Variants in NAP1L4 observed in about 807,000 individuals in gnomAD.
NAP1L4 encodes nucleosome assembly protein 1 like 4.
In NAP1L4, 15 loss-of-function variants were observed where a neutral mutation model predicts 58.2. The observed-to-expected ratio is 0.26, with a 90% CI of 0.17 to 0.40. The LOEUF (loss-of-function observed/expected upper bound fraction) is 0.40. Among genes scored for constraint, NAP1L4 ranks in the 10% least tolerant of loss-of-function variants. The probability of loss-of-function intolerance (pLI) is 1.00; values close to 1 mark genes in which losing one functional copy is unlikely to be tolerated. For missense variants in NAP1L4, 384 were observed against 451.1 expected (o/e 0.85, Z 1.35); for synonymous variants, 171 against 155.6 (o/e 1.10, Z -0.74).
chr11:2,984,376 C>T (rs536325957), intron 1 of NAP1L4, among the ~76,000 whole-genome samples: 120 of 152,076 alleles, frequency 7.9e-4, no homozygotes, highest in African/African-American at 2.8e-3. Flanking sequence ...AGTTCGAGAC[C>T]AGCCTGACCA....
chr11:2,969,984 T>C (rs563377695), intron 6 of NAP1L4, 50 bp from the exon 7 acceptor site: 53 of 1,564,802 alleles, frequency 3.4e-5, no homozygotes, highest in Non-Finnish European at 4.2e-5. Flanking sequence ...TTACAAACAA[T>C]GCAGCGGCTT....
At chr11:2,969,684 G>A (rs904584516) in intron 7 of NAP1L4, 119 bp downstream of exon 7, 12 of 1,107,874 alleles carry the variant, frequency 1.1e-5, no homozygotes, top group Non-Finnish European at 1.5e-5. Flanking sequence ...CAGAGAAAGT[G>A]CCCTTCCGCC....
chr11:2,954,372 C>G lies in NAP1L4; in HGVS notation c.1035+155G>C, dbSNP rs1846404085. 9.2e-7 allele frequency: 1 copy of G among 1,089,226 alleles called. No individual in the cohort carries two copies. Among genetic ancestry groups the G allele is most frequent in the Non-Finnish European group, 1.4e-6 (1 of 733,286 alleles). 67.5% of individuals were successfully genotyped at this position (1,089,226 alleles called of 1,614,324 possible). On this transcript the variant is annotated intron_variant, in intron 12 of 15. Coordinates refer to ENST00000380542, the MANE Select transcript of NAP1L4 (RefSeq NM_005969.4). The surrounding 1 kb of genome is among the most constrained non-coding windows in gnomAD (Gnocchi z 4.8). ...AGACTTCTCCTCTTCAAGCGTATTC[C>G]CCCCACAACAAGGACAGCAGCTTGG...
Position 2,969,876 on chromosome 11 carries a change from G to A in NAP1L4, c.461C>T (p.Pro154Leu). The stretch of plus-strand genomic sequence containing the variant: ...GAACTCTGGAATTCCTTTGGGATCT[G>A]GCTCTTCAGCCGTTGCCGCTGCTTT... ...TEKAAATAEE[P>L]DPKGIPEFWF... The change falls in exon 7 of 16, where the codon CCA (proline) becomes CTA (leucine). Residue 154 changes from proline to leucine, a missense_variant. By Grantham distance (98) the Pro-to-Leu change is moderately conservative (BLOSUM62 -3). Coordinates refer to ENST00000380542, the MANE Select transcript of NAP1L4 (RefSeq NM_005969.4). 1 of 1,613,790 alleles carries A rather than the reference G, an allele frequency of 6.2e-7. No homozygotes were observed. The highest frequency in any genetic ancestry group is 8.5e-7 in the Non-Finnish European group (1 of 1,179,818).
intron 2 of NAP1L4, 53 bp from the exon 3 acceptor site, chr11:2,978,395 A>G (rs1211896553): frequency 8.0e-6 from 12 of 1,503,332 alleles, no homozygotes; most frequent in Non-Finnish European, 1.1e-5. Flanking sequence ...TTCCAAAGAC[A>G]TAGCACAAAT....
In NAP1L4 at chr11:2,955,902, G is replaced by T. The variant is rs1017291837; in HGVS notation, c.893-136C>A. On this transcript the variant is annotated intron_variant, in intron 10 of 15. Coordinates refer to ENST00000380542, the MANE Select transcript of NAP1L4 (RefSeq NM_005969.4). The surrounding 1 kb of genome is among the most constrained non-coding windows in gnomAD (Gnocchi z 4.2). ...TCGAGGTTTAACAGAAATCCCCAAA[G>T]CCTTGCATCTCCTCACAGACATCTT... is the stretch of plus-strand genomic sequence containing the variant. The T allele has an allele frequency of 1.6e-5, 12 of 753,764 alleles. No individual in the cohort carries two copies. Among genetic ancestry groups the T allele is most frequent in the East Asian group, 2.7e-5 (1 of 37,374 alleles). 46.7% of individuals were successfully genotyped at this position (753,764 alleles called of 1,614,324 possible). A position where few individuals can be genotyped will look rare whatever the true frequency, so the allele number is the denominator to read the frequency against.
Position 2,951,429 on chromosome 11 carries a change from T to C in NAP1L4, c.1066-114A>G. 1 of 851,994 alleles carries C rather than the reference T, an allele frequency of 1.2e-6. No homozygotes were observed. Among genetic ancestry groups the C allele is most frequent in the Non-Finnish European group, 2.0e-6 (1 of 507,292 alleles). The allele number at this position is 851,994 out of a possible 1,614,324, so 52.8% of individuals were successfully genotyped here. A position where few individuals can be genotyped will look rare whatever the true frequency, so the allele number is the denominator to read the frequency against. ...GCCTTAGATGGAAATCAATTACTGC[T>C]ACCCACAAGTGACTCATCACTTCCT... On this transcript the variant is annotated intron_variant, in intron 13 of 15. Transcript: ENST00000380542. The surrounding 1 kb of genome is among the most constrained non-coding windows in gnomAD (Gnocchi z 4.0).
rs1350715677 is a variant in NAP1L4 at position 2,969,845 on chromosome 11, A to G, written c.492T>C (p.Phe164=). The change falls in exon 7 of 16, where the codon TTT becomes TTC. Residue 164 remains phenylalanine, a synonymous_variant. Transcript: ENST00000380542. The stretch of plus-strand genomic sequence containing the variant: ...GCATGTCCACATTTCTGAAGATGGT[A>G]AACCAGAACTCTGGAATTCCTTTGG... ...PDPKGIPEFW[F]TIFRNVDMLS... is the part of the protein sequence containing the mutation. 5.0e-6 allele frequency: 8 copies of G among 1,613,910 alleles called. No individual in the cohort carries two copies. The highest frequency in any genetic ancestry group is 5.9e-6 in the Non-Finnish European group (7 of 1,179,854).
intron 7 of NAP1L4, among the ~76,000 whole-genome samples, chr11:2,966,806 C>A (rs1250170537): frequency 6.6e-6 from 1 of 152,148 alleles, no homozygotes; most frequent in East Asian, 1.9e-4. Flanking sequence ...TCATCCCACT[C>A]AAAGACGCAG....
At position 2,951,644 on chromosome 11, in the gene NAP1L4, G is replaced by C; in HGVS notation, c.1065+136C>G. 1 of 843,208 alleles carries C rather than the reference G, an allele frequency of 1.2e-6. No homozygotes were observed. Among genetic ancestry groups the C allele is most frequent in the South Asian group, 1.5e-5 (1 of 66,482 alleles). 52.2% of individuals were successfully genotyped at this position (843,208 alleles called of 1,614,324 possible). ...TATGCATTTCTGCTTAGTGTTTTAAGAACATTCTTAGAATCAAAGACAGCG... is the reference window on the plus strand; with the variant it reads ...TATGCATTTCTGCTTAGTGTTTTAACAACATTCTTAGAATCAAAGACAGCG... On this transcript the variant is annotated intron_variant, in intron 13 of 15. Coordinates refer to ENST00000380542, the MANE Select transcript of NAP1L4 (RefSeq NM_005969.4). This position sits in a 1 kb window ranked among gnomAD's most constrained non-coding sequence, Gnocchi z 4.0.
chr11:2,959,628 G>GA lies in NAP1L4; in HGVS notation c.746+141dup. 2 of 987,694 alleles carry GA rather than the reference G, an allele frequency of 2.0e-6. No individual in the cohort carries two copies. Among genetic ancestry groups the GA allele is most frequent in the Non-Finnish European group, 2.9e-6 (2 of 688,386 alleles). 61.2% of individuals were successfully genotyped at this position (987,694 alleles called of 1,614,324 possible). A position where few individuals can be genotyped will look rare whatever the true frequency, so the allele number is the denominator to read the frequency against. On this transcript the variant is annotated intron_variant, in intron 9 of 15. Coordinates refer to ENST00000380542, the MANE Select transcript of NAP1L4 (RefSeq NM_005969.4). This position sits in a 1 kb window ranked among gnomAD's most constrained non-coding sequence, Gnocchi z 4.9. ...AGCATTCCCAAACTGAAAGACTATT[G>GA]AAATATACATCTACCAGGCTTTTAG... is the stretch of plus-strand genomic sequence containing the variant.
At chr11:2,968,225 C>A (rs374021118) in intron 7 of NAP1L4, among the ~76,000 whole-genome samples, 1 of 152,312 alleles carries the variant, frequency 6.6e-6, no homozygotes, top group East Asian at 1.9e-4. Context: ...TCAGGGTGCA[C>A]ATTAGAGTTC....
chr11:2,964,551 C>T, intron 8 of NAP1L4, 129 bp downstream of exon 8: 1 of 705,176 alleles, frequency 1.4e-6, no homozygotes, highest in Non-Finnish European at 2.4e-6. Flanking sequence ...AGCAGTCTCG[C>T]CCAGGGCTGC....
chr11:2,947,076 A>C (rs1474306032), intron 15 of NAP1L4, among the ~76,000 whole-genome samples: 2 of 152,162 alleles, frequency 1.3e-5, no homozygotes, highest in African/African-American at 4.8e-5. Context: ...TTACGCAAAT[A>C]CTATGTCATG....
At chr11:2,970,013 C>T (rs528539997) in intron 6 of NAP1L4, 79 bp from the exon 7 acceptor site, 119 of 1,432,240 alleles carry the variant, frequency 8.3e-5, no homozygotes, top group Admixed American at 6.5e-4. Context: ...ATATCGTTGC[C>T]GAATCCTCTA....
At chr11:2,961,796 T>C (rs906694041) in intron 8 of NAP1L4, among the ~76,000 whole-genome samples, 3 of 152,206 alleles carry the variant, frequency 2.0e-5, no homozygotes, top group Admixed American at 6.5e-5. Flanking sequence ...CCTCCTAAAG[T>C]GCTGGGATTA....
intron 8 of NAP1L4, among the ~76,000 whole-genome samples, chr11:2,961,596 C>T (rs1435546302): frequency 6.6e-6 from 1 of 151,972 alleles, no homozygotes; most frequent in Non-Finnish European, 1.5e-5. Context: ...GCTGTGACCA[C>T]AGTGTGGACA....
At chr11:2,965,173 A>G (rs754579539) in intron 7 of NAP1L4, among the ~76,000 whole-genome samples, 3 of 152,270 alleles carry the variant, frequency 2.0e-5, no homozygotes, top group Non-Finnish European at 4.4e-5. Flanking sequence ...AGAAGGCTAG[A>G]TCGGCTACGG....
rs1847937317 is a variant in NAP1L4, at chr11:2,976,102, A to C, written c.95T>G (p.Met32Arg). 2 of 1,613,920 alleles carry C rather than the reference A, an allele frequency of 1.2e-6. No homozygotes were observed. The highest frequency in any genetic ancestry group is 1.7e-6 in the Non-Finnish European group (2 of 1,179,946). Reference sequence around the variant, plus strand: ...AGCTGCCAGAACTCGAGGATTCTGCATCACCTGATCTGTGAGCTTTTCTAT... The same window carrying C: ...AGCTGCCAGAACTCGAGGATTCTGCCTCACCTGATCTGTGAGCTTTTCTAT... The part of the protein sequence containing the change: ...SNTEKLTDQV[M>R]QNPRVLAALQ... The change falls in exon 4 of 16, where the codon ATG (methionine) becomes AGG (arginine). Residue 32 changes from methionine to arginine, a missense_variant. By Grantham distance (91) the Met-to-Arg change is moderately conservative. Transcript: ENST00000380542.
Sources: gnomAD v4.1 joint callset for allele counts (sites outside exome capture counted in the v4.1 genomes callset) on GRCh38, gnomAD v4.1.1 for gene constraint, Gnocchi (gnomAD v3.1) non-coding constraint, MANE v1.5 for transcripts, NCBI Gene and HGNC (gene_info 2026-07-23, HGNC 2026-07-21) for gene names.